RANBP2: variants seen among roughly 807,000 people sequenced by gnomAD.
RANBP2 encodes E3 SUMO-protein ligase RanBP2.
RANBP2 carries 57 observed loss-of-function variants against 303.6 expected under a neutral mutation model. That is an observed-to-expected ratio of 0.19 (90% CI 0.15 to 0.23). The LOEUF is 0.23. RANBP2 is among the 10% of genes least tolerant of loss of function. RANBP2 has a pLI of 1.00. For missense variants in RANBP2, 3,138 were observed against 3,780.8 expected, an observed-to-expected ratio of 0.83 and a Z score of 4.46; for synonymous variants, 1,167 against 1,301.5, an observed-to-expected ratio of 0.90 and a Z score of 2.23.
chr2:109,387,354 CAG>C, the RANBP2 span, among the ~76,000 whole-genome samples: 6 of 152,324 alleles, frequency 3.9e-5, no homozygotes, highest in African/African-American at 1.2e-4. Flanking sequence ...TTCCCCATCT[CAG>C]GGGAGATCCA....
At chr2:109,680,671 T>C in the RANBP2 span, among the ~76,000 whole-genome samples, 1 of 152,214 alleles carries the variant, frequency 6.6e-6, no homozygotes, top group African/African-American at 2.4e-5. Context: ...GCAGGCTGTT[T>C]CCTCGTGCTC....
chr2:108,843,726 C>A, the RANBP2 span, among the ~76,000 whole-genome samples: 22 of 151,658 alleles, frequency 1.5e-4, no homozygotes, highest in African/African-American at 5.1e-4. Context: ...TATGATGGGT[C>A]TTGGTGTTGA....
chr2:109,425,882 C>T, the RANBP2 span, among the ~76,000 whole-genome samples: 1 of 152,018 alleles, frequency 6.6e-6, no homozygotes, highest in Non-Finnish European at 1.5e-5. Flanking sequence ...AAAAGTACAT[C>T]TTTTTCTTTC....
the RANBP2 span, among the ~76,000 whole-genome samples, chr2:108,971,992 C>T: frequency 6.6e-6 from 1 of 152,168 alleles, no homozygotes; most frequent in East Asian, 1.9e-4. Context: ...GAGCTGAGGC[C>T]TCCTGCCGCA....
At chr2:109,007,044 C>G in the RANBP2 span, among the ~76,000 whole-genome samples, 3 of 152,164 alleles carry the variant, frequency 2.0e-5, no homozygotes, top group Admixed American at 6.5e-5. Context: ...ACAGAAGACT[C>G]TGTACTCTGA....
chr2:109,387,115 A>C, the RANBP2 span, among the ~76,000 whole-genome samples: 1 of 152,228 alleles, frequency 6.6e-6, no homozygotes, highest in Non-Finnish European at 1.5e-5. Context: ...CGTTGTTAGC[A>C]TATTGTTCTG....
the RANBP2 span, among the ~76,000 whole-genome samples, chr2:109,290,481 A>G: frequency 5.3e-5 from 8 of 152,368 alleles, no homozygotes; most frequent in Admixed American, 2.6e-4. Context: ...TTCGTATTCT[A>G]TAGCGCCCAA....
the RANBP2 span, among the ~76,000 whole-genome samples, chr2:108,900,571 A>ATAC: frequency 6.8e-6 from 1 of 147,420 alleles, no homozygotes; most frequent in Non-Finnish European, 1.5e-5. Context: ...AAAAAAAAAA[A>ATAC]AACAAAAAAC....
the RANBP2 span, among the ~76,000 whole-genome samples, chr2:109,189,104 T>C: frequency 5.3e-5 from 8 of 152,108 alleles, no homozygotes; most frequent in Non-Finnish European, 1.5e-5. Context: ...CTGAGAGAGA[T>C]GCCTCCACTG....
chr2:108,870,539 C>G, the RANBP2 span, among the ~76,000 whole-genome samples: 1 of 152,072 alleles, frequency 6.6e-6, no homozygotes, highest in Non-Finnish European at 1.5e-5. Context: ...AACCCAGAGT[C>G]CGACATCAAG....
chr2:109,426,757 A>G, the RANBP2 span, among the ~76,000 whole-genome samples: 6 of 152,210 alleles, frequency 3.9e-5, no homozygotes, highest in East Asian at 1.9e-4. Flanking sequence ...ATCAAATGCT[A>G]TAGAGAAATC....
At chr2:109,570,585 C>T in the RANBP2 span, among the ~76,000 whole-genome samples, 4 of 150,916 alleles carry the variant, frequency 2.7e-5, no homozygotes, top group African/African-American at 4.9e-5. Flanking sequence ...AGTGCAGTGG[C>T]GTGATGTTGG....
chr2:109,543,898 T>C, the RANBP2 span: 1 of 436,240 alleles, frequency 2.3e-6, no homozygotes, highest in South Asian at 3.3e-5. Context: ...CCGACTCTAA[T>C]TACATAATTC....
At chr2:109,263,018 G>T in the RANBP2 span, among the ~76,000 whole-genome samples, 1 of 149,400 alleles carries the variant, frequency 6.7e-6, no homozygotes, top group Non-Finnish European at 1.5e-5. Context: ...ATTTTTTTTT[G>T]TATTTTTGGT....
the RANBP2 span, among the ~76,000 whole-genome samples, chr2:109,256,251 C>T: frequency 7.2e-5 from 11 of 152,126 alleles, no homozygotes; most frequent in African/African-American, 2.2e-4. Context: ...ATGGACAGGT[C>T]GCGCATTGTT....
the RANBP2 span, among the ~76,000 whole-genome samples, chr2:109,680,395 TA>T: frequency 1.3e-5 from 2 of 150,434 alleles, no homozygotes; most frequent in East Asian, 1.9e-4. Flanking sequence ...AAAAAAAATT[TA>T]AAAAAAGATA....
the RANBP2 span, among the ~76,000 whole-genome samples, chr2:108,889,038 ATTAAT>A: frequency 6.6e-6 from 1 of 151,294 alleles, no homozygotes; most frequent in African/African-American, 2.4e-5. Context: ...AAATTTTCAT[ATTAAT>A]TTCTTTTTTA....
chr2:109,203,874 T>C, the RANBP2 span, among the ~76,000 whole-genome samples: 3 of 152,006 alleles, frequency 2.0e-5, no homozygotes, highest in Admixed American at 2.0e-4. Flanking sequence ...GCCCTTCTTG[T>C]TCCCTGTGCG....
the RANBP2 span, among the ~76,000 whole-genome samples, chr2:109,677,070 G>A: frequency 6.6e-6 from 1 of 152,138 alleles, no homozygotes; most frequent in African/African-American, 2.4e-5. Context: ...GGGCAGATGG[G>A]CCCTTGCTCC....
Sources: gnomAD v4.1 joint callset for allele counts (sites outside exome capture counted in the v4.1 genomes callset) on GRCh38, gnomAD v4.1.1 for gene constraint, MANE v1.5 for transcripts, NCBI Gene and HGNC (gene_info 2026-07-23, HGNC 2026-07-21) for gene names.